Variants in RBFOX1 observed in about 807,000 individuals in gnomAD.
The protein encoded by RBFOX1 is RNA binding protein fox-1 homolog 1.
Under a neutral mutation model 57.7 loss-of-function variants are expected in RBFOX1, and 8 were observed. The observed-to-expected ratio is 0.14, with a 90% CI of 0.08 to 0.25. The LOEUF is 0.25. Ranked by LOEUF, RBFOX1 falls within the 10% of genes least tolerant of loss-of-function variation. The probability of loss-of-function intolerance (pLI) is 1.00; values close to 1 mark genes in which losing one functional copy is unlikely to be tolerated. For missense variants in RBFOX1, 611 were observed against 548.5 expected (o/e 1.11, Z -1.14); for synonymous variants, 326 against 222.4 (o/e 1.47, Z -4.15).
intron 3 of RBFOX1, among the ~76,000 whole-genome samples, chr16:5,650,550 T>C (rs994390392): frequency 6.6e-6 from 1 of 152,196 alleles, no homozygotes; most frequent in Non-Finnish European, 1.5e-5. Flanking sequence ...TGGGGAAGGC[T>C]TTTAAGTGTG....
rs117889105 is a variant in RBFOX1, at chr16:5,547,797, A to G, written c.259-51105A>G. On this transcript the variant is annotated intron_variant, in intron 2 of 2. Transcript: ENST00000585867. ...ATCCTAAGCGAATTAATGCAGGAACAGAAAACCAAATACTACATGTGCTCA... is the reference window on the plus strand; with the variant it reads ...ATCCTAAGCGAATTAATGCAGGAACGGAAAACCAAATACTACATGTGCTCA... Among the ~76,000 whole-genome samples, 639 of 152,304 alleles carry G rather than the reference A, an allele frequency of 4.2e-3. 1 individual carries two copies. Among genetic ancestry groups the G allele is most frequent in the Non-Finnish European group, 7.6e-3 (518 of 68,024 alleles).
intron 1 of RBFOX1, among the ~76,000 whole-genome samples, chr16:6,310,499 G>A (rs2080121298): frequency 2.0e-5 from 3 of 152,214 alleles, no homozygotes; most frequent in Non-Finnish European, 2.9e-5. Context: ...GTAGTGCCAG[G>A]TAATTTAGCT....
intron 11 of RBFOX1, among the ~76,000 whole-genome samples, chr16:7,632,171 AG>A (rs2061076713): frequency 6.6e-6 from 1 of 152,198 alleles, no homozygotes; most frequent in Non-Finnish European, 1.5e-5. Context: ...AGCCTCCCAA[AG>A]TACTGGAATT....
intron 14 of RBFOX1, among the ~76,000 whole-genome samples, chr16:7,702,340 C>T (rs4786185): frequency 0.23 from 35,374 of 152,128 alleles, 5,268 homozygotes; most frequent in Non-Finnish European, 0.32. Flanking sequence ...CTTTTGTCTC[C>T]ATTCTGACCC....
chr16:6,838,847 C>T (rs1266428054), intron 3 of RBFOX1, among the ~76,000 whole-genome samples: 2 of 152,086 alleles, frequency 1.3e-5, no homozygotes, highest in Non-Finnish European at 2.9e-5. Context: ...CCCCGTCATA[C>T]TCTGAAGGAA....
intron 4 of RBFOX1, among the ~76,000 whole-genome samples, chr16:7,192,491 T>C (rs929010914): frequency 8.5e-5 from 13 of 152,170 alleles, no homozygotes; most frequent in Non-Finnish European, 1.8e-4. Flanking sequence ...TAGCAAGCAC[T>C]CTTCACTTTG....
At chr16:6,192,625 T>G (rs1454674060) in intron 1 of RBFOX1, among the ~76,000 whole-genome samples, 1 of 152,160 alleles carries the variant, frequency 6.6e-6, no homozygotes, top group Non-Finnish European at 1.5e-5. Flanking sequence ...GATACGGTGG[T>G]GGAGATCCAA....
chr16:6,674,659 C>G (rs371028313), intron 3 of RBFOX1, among the ~76,000 whole-genome samples: 3 of 152,096 alleles, frequency 2.0e-5, no homozygotes, highest in Admixed American at 6.5e-5. Context: ...TGGAGATGTA[C>G]GAATGTAGAC....
At chr16:5,346,002 G>A (rs542903277) in intron 1 of RBFOX1, among the ~76,000 whole-genome samples, 1 of 152,312 alleles carries the variant, frequency 6.6e-6, no homozygotes, top group Non-Finnish European at 1.5e-5. Flanking sequence ...AACATGGTGT[G>A]GGGGATTGTC....
At chr16:7,093,814 C>T (rs17736941) in intron 4 of RBFOX1, among the ~76,000 whole-genome samples, 25,799 of 151,946 alleles carry the variant, frequency 0.17, 2,679 homozygotes, top group East Asian at 0.34. Context: ...TGCACATTTC[C>T]TCTTTGTCTG....
intron 3 of RBFOX1, among the ~76,000 whole-genome samples, chr16:6,756,123 T>TA (rs2075749847): frequency 6.6e-6 from 1 of 152,192 alleles, no homozygotes; most frequent in Non-Finnish European, 1.5e-5. Flanking sequence ...TAGAAACCTT[T>TA]AAAAATCTTC....
At chr16:7,023,433 C>G (rs1043035729) in intron 3 of RBFOX1, among the ~76,000 whole-genome samples, 2 of 150,582 alleles carry the variant, frequency 1.3e-5, no homozygotes, top group East Asian at 2.0e-4. Context: ...GAATTCTAGC[C>G]TGGATGACAG....
At chr16:5,953,867 T>C (rs985863862) in intron 4 of RBFOX1, among the ~76,000 whole-genome samples, 14 of 152,260 alleles carry the variant, frequency 9.2e-5, no homozygotes, top group African/African-American at 3.1e-4. Context: ...AGTAGTGGGA[T>C]TGCTGTATAC....
intron 4 of RBFOX1, among the ~76,000 whole-genome samples, chr16:7,451,148 C>A (rs956851311): frequency 1.3e-5 from 2 of 152,110 alleles, no homozygotes; most frequent in Non-Finnish European, 2.9e-5. Flanking sequence ...AAACATCCAG[C>A]TTTCTGGGGG....
intron 15 of RBFOX1, chr16:7,709,442 C>G (rs1007485107): frequency 5.8e-6 from 8 of 1,370,516 alleles, no homozygotes; most frequent in East Asian, 5.2e-5. Context: ...AGTGTCAATG[C>G]AGAACTTTTT....
intron 1 of RBFOX1, among the ~76,000 whole-genome samples, chr16:5,318,242 C>T (rs1167734163): frequency 6.6e-6 from 1 of 152,144 alleles, no homozygotes; most frequent in Non-Finnish European, 1.5e-5. Flanking sequence ...GATTCTTGTT[C>T]CTCAGTATCC....
intron 2 of RBFOX1, among the ~76,000 whole-genome samples, chr16:5,491,983 T>C (rs1415222569): frequency 1.3e-5 from 2 of 152,166 alleles, no homozygotes; most frequent in African/African-American, 4.8e-5. Context: ...GCAGTGAGTC[T>C]AGTGTGTGGC....
At chr16:6,396,167 A>C (rs1438733015) in intron 2 of RBFOX1, among the ~76,000 whole-genome samples, 1 of 152,046 alleles carries the variant, frequency 6.6e-6, no homozygotes, top group Non-Finnish European at 1.5e-5. Context: ...AGCAATTATA[A>C]ATTCTAGATA....
chr16:6,319,547 A>G (rs1277457982), intron 2 of RBFOX1, among the ~76,000 whole-genome samples: 1 of 152,174 alleles, frequency 6.6e-6, no homozygotes, highest in African/African-American at 2.4e-5. Flanking sequence ...TTGACATTAG[A>G]CAAGAGACCA....
Sources: allele counts gnomAD v4.1 joint callset (sites outside exome capture counted in the v4.1 genomes callset), GRCh38; gene constraint gnomAD v4.1.1; transcripts MANE v1.5; gene names NCBI Gene and HGNC (gene_info 2026-07-23, HGNC 2026-07-21).